Variants in PCDHA8 observed in about 807,000 individuals in gnomAD.
PCDHA8 encodes the protein protocadherin alpha 8.
Under a neutral mutation model 61.8 loss-of-function variants are expected in PCDHA8, and 53 were observed. That is an observed-to-expected ratio of 0.86 (90% CI 0.69 to 1.08). The LOEUF is 1.08. Among genes scored for constraint, PCDHA8 ranks in the 50% least tolerant of loss-of-function variants. PCDHA8 has a pLI of 0.00. For synonymous variants in PCDHA8, 618 were observed against 556.6 expected, an observed-to-expected ratio of 1.11 and a Z score of -1.55; for missense variants, 1,293 against 1,245.0, an observed-to-expected ratio of 1.04 and a Z score of -0.58.
chr5:140,852,117 T>C, intron 1 of PCDHA8: 1 of 906,144 alleles, frequency 1.1e-6, no homozygotes, highest in Non-Finnish European at 1.3e-6. Context: ...AGGTATGACC[T>C]AATTAAAAAC....
intron 1 of PCDHA8, among the ~76,000 whole-genome samples, chr5:140,963,991 A>G (rs1232646749): frequency 1.3e-5 from 2 of 152,190 alleles, no homozygotes; most frequent in Admixed American, 6.5e-5. Context: ...ATTCCTAATT[A>G]CTGTGTTCTA....
In PCDHA8 at chr5:140,842,005, G is replaced by A. The variant is rs1777641474; in HGVS notation, c.684G>A (p.Leu228=). 2 of 1,613,756 alleles carry A rather than the reference G, an allele frequency of 1.2e-6. No individual in the cohort carries two copies. The highest frequency in any genetic ancestry group is 1.7e-6 in the Non-Finnish European group (2 of 1,179,710). The change falls in exon 1 of 4, where the codon CTG becomes CTA. Residue 228 remains leucine (L), a synonymous_variant. Transcript: ENST00000531613. The part of the protein sequence containing the change: ...GKPELTGTVQ[L]LVTVLDVNDN... Reference sequence around the variant, plus strand: ...CTGAGCTCACAGGCACTGTTCAGCTGCTGGTCACAGTGCTGGATGTGAATG... The same window carrying A: ...CTGAGCTCACAGGCACTGTTCAGCTACTGGTCACAGTGCTGGATGTGAATG...
intron 1 of PCDHA8, chr5:140,877,012 A>G: frequency 6.2e-7 from 1 of 1,612,352 alleles, no homozygotes; most frequent in Non-Finnish European, 8.5e-7. Flanking sequence ...GCACGCGGAG[A>G]GCGGCAAGGT....
chr5:140,869,296 C>A, intron 1 of PCDHA8: 1 of 1,613,602 alleles, frequency 6.2e-7, no homozygotes, highest in Non-Finnish European at 8.5e-7. Flanking sequence ...GCGCCTGTTC[C>A]GGGTGGCGTC....
At chr5:140,868,805 C>T (rs1316864299) in intron 1 of PCDHA8, 7 of 356,302 alleles carry the variant, frequency 2.0e-5, no homozygotes, top group African/African-American at 1.4e-4. Context: ...TAAATAAGCA[C>T]GTTGGAAATA....
intron 1 of PCDHA8, among the ~76,000 whole-genome samples, chr5:140,976,809 T>C (rs1563451400): frequency 6.6e-6 from 1 of 152,220 alleles, no homozygotes; most frequent in Non-Finnish European, 1.5e-5. Flanking sequence ...TATCTGAAGA[T>C]ATGCATGTGT....
chr5:140,874,673 TG>T (rs1192690253), intron 1 of PCDHA8, among the ~76,000 whole-genome samples: 4 of 152,260 alleles, frequency 2.6e-5, no homozygotes, highest in African/African-American at 9.6e-5. Context: ...AATCTATTCC[TG>T]AGATTTGTTT....
At chr5:140,967,014 G>T in intron 1 of PCDHA8, 1 of 1,606,958 alleles carries the variant, frequency 6.2e-7, no homozygotes, top group Non-Finnish European at 8.5e-7. Flanking sequence ...AACCATCTGG[G>T]TGCGCCCAGT....
intron 3 of PCDHA8, among the ~76,000 whole-genome samples, chr5:140,996,661 G>A (rs1554255301): frequency 6.6e-6 from 1 of 152,194 alleles, no homozygotes; most frequent in Admixed American, 6.5e-5. Context: ...GTGCAGGCTA[G>A]TTTTTGAACC....
intron 1 of PCDHA8, chr5:140,929,360 C>T (rs781864515): frequency 6.6e-7 from 1 of 1,519,748 alleles, no homozygotes; most frequent in Admixed American, 2.2e-5. Context: ...TTCCTTTGGC[C>T]CGGAGATGGC....
intron 1 of PCDHA8, chr5:140,858,677 T>A (rs1480959792): frequency 3.2e-6 from 2 of 629,026 alleles, no homozygotes; most frequent in African/African-American, 3.7e-5. Context: ...TTATTCTGAA[T>A]ACACTAATAT....
In PCDHA8 at chr5:140,851,110, A is replaced by G. The variant is rs2041963644; in HGVS notation, c.2394+7395A>G. On this transcript the variant is annotated intron_variant, in intron 1 of 3. Transcript: ENST00000531613. ...TAAATAGATATTTTTTGGGTGCTGA[A>G]TCAATTTTATTTAAATTTGTGATTA... 1.5e-6 allele frequency: 2 copies of G among 1,302,324 alleles called. 1 individual carries two copies. The highest frequency in any genetic ancestry group is 2.0e-6 in the Non-Finnish European group (2 of 1,004,926). 80.7% of individuals were successfully genotyped at this position (1,302,324 alleles called of 1,614,324 possible). A position where few individuals can be genotyped will look rare whatever the true frequency, so the allele number is the denominator to read the frequency against.
chr5:140,945,183 A>G (rs1445694327), intron 1 of PCDHA8, among the ~76,000 whole-genome samples: 6 of 152,160 alleles, frequency 3.9e-5, no homozygotes, highest in Admixed American at 2.6e-4. Context: ...TAAATCAAGA[A>G]AACCATGCTA....
chr5:140,901,213 G>A (rs2068513524), intron 1 of PCDHA8, among the ~76,000 whole-genome samples: 1 of 152,040 alleles, frequency 6.6e-6, no homozygotes, highest in Non-Finnish European at 1.5e-5. Flanking sequence ...TTTTTAAGTT[G>A]ATGTGATCCC....
intron 1 of PCDHA8, chr5:140,882,078 C>T: frequency 1.1e-6 from 1 of 937,486 alleles, no homozygotes; most frequent in Non-Finnish European, 1.6e-6. Flanking sequence ...CGCATGGTGT[C>T]GCTCTTCACT....
chr5:140,925,088 A>G (rs536355365), intron 1 of PCDHA8, among the ~76,000 whole-genome samples: 11 of 151,436 alleles, frequency 7.3e-5, no homozygotes, highest in African/African-American at 2.7e-4. Context: ...CTGGAAAGGA[A>G]GGAAGGAAGG....
At chr5:140,980,437 C>G (rs1586844281) in intron 2 of PCDHA8, among the ~76,000 whole-genome samples, 1 of 152,156 alleles carries the variant, frequency 6.6e-6, no homozygotes, top group Admixed American at 6.5e-5. Flanking sequence ...CGAGACCATC[C>G]TGGACAACAC....
chr5:140,877,676 G>T (rs781985023), intron 1 of PCDHA8: 1 of 1,613,606 alleles, frequency 6.2e-7, no homozygotes, highest in South Asian at 1.1e-5. Context: ...TGCGCGCCGG[G>T]CAAGCCCACG....
chr5:141,009,233 T>C (rs2098403082), intron 3 of PCDHA8, among the ~76,000 whole-genome samples: 1 of 152,184 alleles, frequency 6.6e-6, no homozygotes, highest in Non-Finnish European at 1.5e-5. Context: ...GGTGGGAGGA[T>C]CTCTTGAGCT....
Sources: allele counts gnomAD v4.1 joint callset (sites outside exome capture counted in the v4.1 genomes callset), GRCh38; gene constraint gnomAD v4.1.1; transcripts MANE v1.5; gene names NCBI Gene and HGNC (gene_info 2026-07-23, HGNC 2026-07-21).